SCCPDH: variants seen among roughly 807,000 people sequenced by gnomAD.
SCCPDH encodes the protein saccharopine dehydrogenase (putative), also known as saccharopine dehydrogenase-like oxidoreductase.
A neutral mutation model predicts 51.5 loss-of-function variants in SCCPDH; 34 were observed. The observed-to-expected ratio is 0.66, with a 90% CI of 0.50 to 0.88. SCCPDH has a LOEUF of 0.88. Among genes scored for constraint, SCCPDH ranks in the 40% least tolerant of loss-of-function variants. The probability of loss-of-function intolerance (pLI) is 0.00; values close to 1 mark genes in which losing one functional copy is unlikely to be tolerated. For missense variants in SCCPDH, 464 were observed against 527.1 expected (o/e 0.88, Z 1.17); for synonymous variants, 187 against 191.3 (o/e 0.98, Z 0.19).
intron 9 of SCCPDH, among the ~76,000 whole-genome samples, chr1:246,762,841 CA>C (rs35066232): frequency 0.44 from 40,338 of 90,884 alleles, 5,643 homozygotes; most frequent in Admixed American, 0.5. Flanking sequence ...ATTCCTTCTC[CA>C]AAAAAAAAAA....
chr1:246,726,542 A>G (rs1456086748), intron 1 of SCCPDH, among the ~76,000 whole-genome samples: 1 of 152,200 alleles, frequency 6.6e-6, no homozygotes, highest in Non-Finnish European at 1.5e-5. Context: ...ATTTTATGAC[A>G]TAAATTTCTT....
intron 9 of SCCPDH, among the ~76,000 whole-genome samples, chr1:246,762,156 G>A (rs1002607904): frequency 3.3e-5 from 5 of 152,050 alleles, no homozygotes; most frequent in African/African-American, 1.2e-4. Flanking sequence ...GCAATTATTG[G>A]CCATTTGTAT....
rs866567622 is a variant in SCCPDH at position 246,724,481 on chromosome 1, G to A, written c.59G>A (p.Gly20Asp). The stretch of plus-strand genomic sequence containing the variant: ...GTGTTCGGCGCGTCTGGCTTCACCG[G>A]CCAGTTCGTGACCGAGGAGGTGGCC... ...LVVFGASGFT[G>D]QFVTEEVARE... is the part of the protein sequence containing the mutation. The change falls in exon 1 of 12, where the codon GGC becomes GAC. Residue 20 changes from glycine (G) to aspartate (D), a missense_variant. Transcript: ENST00000366510. 1.3e-6 allele frequency: 2 copies of A among 1,587,544 alleles called. No homozygotes were observed. Among genetic ancestry groups the A allele is most frequent in the Non-Finnish European group, 1.7e-6 (2 of 1,169,754 alleles).
Position 246,760,241 on chromosome 1 carries a change from T to A in SCCPDH, c.990+14T>A. The A allele has an allele frequency of 6.3e-7, 1 of 1,590,596 alleles. No homozygotes were observed. Among genetic ancestry groups the A allele is most frequent in the Non-Finnish European group, 8.6e-7 (1 of 1,166,048 alleles). ...ACACAAAAACAGGTAATTTCTTTTG[T>A]ATTAAGACACTAAAATAATATTTTT... On this transcript the variant is annotated intron_variant, in intron 9 of 11. Transcript: ENST00000366510.
chr1:246,724,480 G>A lies in SCCPDH; in HGVS notation c.58G>A (p.Gly20Ser). The stretch of plus-strand genomic sequence containing the variant: ...GGTGTTCGGCGCGTCTGGCTTCACC[G>A]GCCAGTTCGTGACCGAGGAGGTGGC... ...LVVFGASGFT[G>S]QFVTEEVARE... The change falls in exon 1 of 12, where the codon GGC becomes AGC. Residue 20 changes from glycine to serine, a missense_variant. By Grantham distance (56) the Gly-to-Ser change is moderately conservative (BLOSUM62 0). Coordinates refer to ENST00000366510, the MANE Select transcript of SCCPDH (RefSeq NM_016002.3). 1.9e-6 allele frequency: 3 copies of A among 1,588,426 alleles called. No individual in the cohort carries two copies. Among genetic ancestry groups the A allele is most frequent in the South Asian group, 1.1e-5 (1 of 87,512 alleles).
At chr1:246,759,008 A>G in intron 6 of SCCPDH, 26 bp from the exon 7 acceptor site, 1 of 1,294,308 alleles carries the variant, frequency 7.7e-7, no homozygotes, top group Non-Finnish European at 1.1e-6. Context: ...CAGGAAATGC[A>G]AAATATTCAT....
intron 5 of SCCPDH, among the ~76,000 whole-genome samples, chr1:246,745,233 A>G (rs919333192): frequency 5.3e-5 from 8 of 152,232 alleles, no homozygotes; most frequent in Admixed American, 4.6e-4. Context: ...ATTTCTGGGA[A>G]AGGACCATGT....
intron 9 of SCCPDH, among the ~76,000 whole-genome samples, chr1:246,762,558 A>G (rs1386444227): frequency 6.6e-6 from 1 of 152,152 alleles, no homozygotes; most frequent in Non-Finnish European, 1.5e-5. Context: ...TATCAGAATC[A>G]TGGCCGGGCG....
At chr1:246,736,418 T>G (rs1225794657) in intron 3 of SCCPDH, among the ~76,000 whole-genome samples, 1 of 152,072 alleles carries the variant, frequency 6.6e-6, no homozygotes, top group Non-Finnish European at 1.5e-5. Flanking sequence ...CAGGTACCTT[T>G]AGGCCGGGCA....
At position 246,767,222 on chromosome 1, in the gene SCCPDH, T is replaced by C; in HGVS notation, c.1212T>C (p.Ala404=). 2 of 1,609,994 alleles carry C rather than the reference T, an allele frequency of 1.2e-6. No homozygotes were observed. Among genetic ancestry groups the C allele is most frequent in the Non-Finnish European group, 8.5e-7 (1 of 1,177,658 alleles). The change falls in exon 12 of 12, where the codon GCT becomes GCC. Residue 404 remains alanine (A), a synonymous_variant. Transcript: ENST00000366510. Reference sequence around the variant, plus strand: ...GCGGGGTCTTCACACCTGGAGCAGCTTTTTCCAAAACAAAGTTGATTGACA... The same window carrying C: ...GCGGGGTCTTCACACCTGGAGCAGCCTTTTCCAAAACAAAGTTGATTGACA... ...KAGGVFTPGA[A]FSKTKLIDRL... is the part of the protein sequence containing the mutation.
intron 2 of SCCPDH, among the ~76,000 whole-genome samples, chr1:246,732,248 A>G (rs1240399683): frequency 6.6e-6 from 1 of 152,174 alleles, no homozygotes; most frequent in Non-Finnish European, 1.5e-5. Context: ...GGGCCTATTT[A>G]TAGTAAATTA....
chr1:246,732,948 C>G (rs911141547), intron 2 of SCCPDH, among the ~76,000 whole-genome samples: 1 of 152,210 alleles, frequency 6.6e-6, no homozygotes, highest in Non-Finnish European at 1.5e-5. Context: ...TGTGGCCTGA[C>G]TTAAAGCCCA....
intron 3 of SCCPDH, among the ~76,000 whole-genome samples, chr1:246,737,608 T>C (rs978212430): frequency 2.0e-5 from 3 of 152,062 alleles, no homozygotes; most frequent in South Asian, 2.1e-4. Context: ...CCCTTTTTTT[T>C]TGATACAGGG....
rs146479930 is a variant in SCCPDH at position 246,749,077 on chromosome 1, T to C, written c.564+4952T>C. Among the ~76,000 whole-genome samples the C allele has an allele frequency of 2.9e-4, 44 of 152,316 alleles. No individual in the cohort carries two copies. In the East Asian group the frequency reaches 8.1e-3, roughly 28 times the overall value. On this transcript the variant is annotated intron_variant, in intron 5 of 11. Transcript: ENST00000366510. ...CTCGGGGGCTGACCCACAAGGCTCT[T>C]GACCTCAGGGAACAGCAGTGAAAGA...
intron 5 of SCCPDH, among the ~76,000 whole-genome samples, chr1:246,748,369 A>G (rs2102986595): frequency 6.6e-6 from 1 of 152,348 alleles, no homozygotes; most frequent in African/African-American, 2.4e-5. Flanking sequence ...TCATGGGACA[A>G]AGCGGTAAGT....
At chr1:246,747,595 G>A (rs554794167) in intron 5 of SCCPDH, among the ~76,000 whole-genome samples, 2 of 152,318 alleles carry the variant, frequency 1.3e-5, no homozygotes, top group African/African-American at 4.8e-5. Context: ...TGCATCTCGT[G>A]GATGGAGCAA....
At chr1:246,745,603 A>G (rs1668747308) in intron 5 of SCCPDH, among the ~76,000 whole-genome samples, 3 of 152,190 alleles carry the variant, frequency 2.0e-5, no homozygotes, top group Admixed American at 2.0e-4. Context: ...TGGAGATGTG[A>G]AGGAAGAGGA....
chr1:246,746,522 AG>A (rs1333960596), intron 5 of SCCPDH, among the ~76,000 whole-genome samples: 1 of 152,162 alleles, frequency 6.6e-6, no homozygotes, highest in African/African-American at 2.4e-5. Context: ...AGACAATATT[AG>A]GGGTGGTCTC....
intron 5 of SCCPDH, among the ~76,000 whole-genome samples, chr1:246,757,338 C>CT (rs1668945647): frequency 9.5e-6 from 1 of 105,240 alleles, no homozygotes; most frequent in Non-Finnish European, 1.8e-5. Flanking sequence ...GAGCAAGACT[C>CT]TGTCTCAAAA....
Sources: allele counts gnomAD v4.1 joint callset (sites outside exome capture counted in the v4.1 genomes callset), GRCh38; gene constraint gnomAD v4.1.1; transcripts MANE v1.5; gene names NCBI Gene and HGNC (gene_info 2026-07-23, HGNC 2026-07-21).